NKAIN3: variants seen among roughly 807,000 people sequenced by gnomAD.
NKAIN3 encodes sodium/potassium-transporting ATPase subunit beta-1-interacting protein 3.
NKAIN3 carries 25 observed loss-of-function variants against 30.2 expected under a neutral mutation model. That is an observed-to-expected ratio of 0.83 (90% confidence interval 0.60 to 1.16). NKAIN3 has a LOEUF of 1.16. Ranked by LOEUF, NKAIN3 falls within the 50% of genes most tolerant of loss-of-function variation. NKAIN3 has a pLI of 0.00. For synonymous variants in NKAIN3, 91 were observed against 89.6 expected (o/e 1.02, Z -0.09); for missense variants, 225 against 254.1 (o/e 0.89, Z 0.78).
chr8:62,806,051 A>T (rs139185238), intron 4 of NKAIN3, among the ~76,000 whole-genome samples: 1 of 152,234 alleles, frequency 6.6e-6, no homozygotes, highest in African/African-American at 2.4e-5. Flanking sequence ...ACACATGAAA[A>T]AATGCTCACC....
intron 5 of NKAIN3, among the ~76,000 whole-genome samples, chr8:62,995,048 C>A (rs1313738279): frequency 6.6e-6 from 1 of 152,090 alleles, no homozygotes; most frequent in Non-Finnish European, 1.5e-5. Flanking sequence ...GAGTAAACAG[C>A]ATGATTGAAA....
intron 4 of NKAIN3, among the ~76,000 whole-genome samples, chr8:62,912,806 G>C (rs912397684): frequency 2.0e-5 from 3 of 152,108 alleles, no homozygotes; most frequent in Non-Finnish European, 4.4e-5. Context: ...CGACTCGGGA[G>C]GCTGAGGCAG....
At chr8:62,958,012 AC>A (rs768035712) in intron 6 of NKAIN3, among the ~76,000 whole-genome samples, 2 of 152,124 alleles carry the variant, frequency 1.3e-5, no homozygotes, top group Non-Finnish European at 1.5e-5. Context: ...TTTGCTGTGA[AC>A]CTAAAACTGC....
At chr8:62,267,995 A>G (rs545313666) in intron 1 of NKAIN3, among the ~76,000 whole-genome samples, 31 of 152,304 alleles carry the variant, frequency 2.0e-4, no homozygotes, top group Middle Eastern at 3.4e-3. Context: ...TAAAAAATCT[A>G]ATTTCTTAAC....
chr8:62,282,328 C>T (rs564499989), intron 1 of NKAIN3, among the ~76,000 whole-genome samples: 33 of 152,268 alleles, frequency 2.2e-4, no homozygotes, highest in East Asian at 1.9e-3. Flanking sequence ...GCCTGCACAC[C>T]TCTGTGTGTC....
At chr8:62,577,147 C>T (rs911819327) in intron 1 of NKAIN3, among the ~76,000 whole-genome samples, 7 of 152,058 alleles carry the variant, frequency 4.6e-5, no homozygotes, top group Non-Finnish European at 7.4e-5. Flanking sequence ...TCTGTATTCT[C>T]GATATGCTCC....
rs1394776099 is a variant in NKAIN3, at chr8:62,983,324, C to T, written c.*17917C>T. ...AACCCTCAAGGCCCTAAGAAAATCC[C>T]CAATAGGGCTCTGCACAAGCCGGGC... On this transcript the variant is annotated 3_prime_UTR_variant, in exon 7 of 7. Transcript: ENST00000623646. 1 of 152,140 alleles carries T rather than the reference C, an allele frequency of 6.6e-6. No homozygotes were observed. Among genetic ancestry groups the T allele is most frequent in the African/African-American group, 2.4e-5 (1 of 41,528 alleles). The allele number at this position is 152,140 out of a possible 1,614,324, so 9.4% of individuals were successfully genotyped here.
In NKAIN3 at chr8:62,831,611, C is replaced by A. The variant is rs183361710; in HGVS notation, c.471+84482C>A. Among the ~76,000 whole-genome samples, 73 of 151,818 alleles carry A rather than the reference C, an allele frequency of 4.8e-4. No individual in the cohort carries two copies. The East Asian group carries it at 7.0e-3, about 14-fold the overall frequency. On this transcript the variant is annotated intron_variant, in intron 4 of 6. Coordinates refer to ENST00000623646, the MANE Select transcript of NKAIN3 (RefSeq NM_001304533.3). ...TGAAAGTTTTATCAATAGACTAGACCAAGCAGAAGAAAGAATTTCAGAGCT... is the reference window on the plus strand; with the variant it reads ...TGAAAGTTTTATCAATAGACTAGACAAAGCAGAAGAAAGAATTTCAGAGCT...
intron 4 of NKAIN3, among the ~76,000 whole-genome samples, chr8:62,859,518 A>AAAAAAAAAAAAAAAAAAAAAAAAAAAAT (rs1231840689): frequency 6.7e-6 from 1 of 150,284 alleles, no homozygotes; most frequent in African/African-American, 2.4e-5. Flanking sequence ...TAAAAAAAAA[A>AAAAAAAAAAAAAAAAAAAAAAAAAAAAT]AAACTTCATG....
intron 3 of NKAIN3, among the ~76,000 whole-genome samples, chr8:62,664,027 C>T (rs1213037714): frequency 6.6e-6 from 1 of 151,996 alleles, no homozygotes; most frequent in Non-Finnish European, 1.5e-5. Context: ...TATCTGGGCC[C>T]TACCCTGAAT....
In NKAIN3 at chr8:62,945,975, G is replaced by A. The variant is rs897733057; in HGVS notation, c.533-7927G>A. ...TGAGCAGAAAGAAGTAAAAAATGTTGGTAAACTCTGATATGGACAATGCAG... is the reference window on the plus strand; with the variant it reads ...TGAGCAGAAAGAAGTAAAAAATGTTAGTAAACTCTGATATGGACAATGCAG... On this transcript the variant is annotated intron_variant, in intron 5 of 6. Coordinates refer to ENST00000623646, the MANE Select transcript of NKAIN3 (RefSeq NM_001304533.3). 1.4e-4 allele frequency among the ~76,000 whole-genome samples: 22 copies of A among 152,046 alleles called. 1 individual carries two copies. The highest frequency in any genetic ancestry group is 1.4e-3 in the Admixed American group (22 of 15,256).
chr8:62,666,798 A>C (rs978255686), intron 3 of NKAIN3, among the ~76,000 whole-genome samples: 2 of 152,098 alleles, frequency 1.3e-5, no homozygotes, highest in African/African-American at 4.8e-5. Flanking sequence ...TTATCTAAAA[A>C]TTGTTCCAGC....
chr8:62,689,380 A>C (rs149633732), intron 3 of NKAIN3, among the ~76,000 whole-genome samples: 1 of 152,164 alleles, frequency 6.6e-6, no homozygotes. Flanking sequence ...TTAAGCCATC[A>C]GTCTGATTTT....
chr8:62,378,347 AGAC>A (rs1435456401), intron 1 of NKAIN3, among the ~76,000 whole-genome samples: 1 of 152,236 alleles, frequency 6.6e-6, no homozygotes, highest in African/African-American at 2.4e-5. Context: ...GCAGTAGAAA[AGAC>A]AAACCCATTT....
intron 3 of NKAIN3, among the ~76,000 whole-genome samples, chr8:62,684,900 C>T (rs1813749916): frequency 6.6e-6 from 1 of 152,084 alleles, no homozygotes; most frequent in Non-Finnish European, 1.5e-5. Context: ...AAGAAACTAG[C>T]CCTGTCTACT....
chr8:62,850,868 A>G (rs917630500), intron 4 of NKAIN3, among the ~76,000 whole-genome samples: 8 of 152,174 alleles, frequency 5.3e-5, no homozygotes, highest in African/African-American at 1.9e-4. Context: ...GCCTTGTAGT[A>G]TAGTTTGAAG....
At chr8:62,444,475 C>T (rs1164689985) in intron 1 of NKAIN3, among the ~76,000 whole-genome samples, 2 of 152,170 alleles carry the variant, frequency 1.3e-5, no homozygotes, top group Admixed American at 6.5e-5. Context: ...TGACTGAGAA[C>T]ATGCAGTATT....
intron 1 of NKAIN3, among the ~76,000 whole-genome samples, chr8:62,327,121 G>T (rs895078003): frequency 2.0e-5 from 3 of 151,934 alleles, no homozygotes; most frequent in African/African-American, 7.2e-5. Context: ...TGTCTTTTGT[G>T]GAGAAATGTT....
At chr8:62,443,494 C>G (rs1332120242) in intron 1 of NKAIN3, among the ~76,000 whole-genome samples, 1 of 152,142 alleles carries the variant, frequency 6.6e-6, no homozygotes, top group African/African-American at 2.4e-5. Context: ...AGAGATTCTC[C>G]TGCCTCAGCC....
Sources: gnomAD v4.1 joint callset for allele counts (sites outside exome capture counted in the v4.1 genomes callset) on GRCh38, gnomAD v4.1.1 for gene constraint, MANE v1.5 for transcripts, NCBI Gene and HGNC (gene_info 2026-07-23, HGNC 2026-07-21) for gene names.